PLCB1: variants seen among roughly 807,000 people sequenced by gnomAD.
PLCB1 encodes phospholipase C beta 1, also known as 1-phosphatidylinositol 4,5-bisphosphate phosphodiesterase beta-1.
Under a neutral mutation model 161.8 loss-of-function variants are expected in PLCB1, and 46 were observed. The ratio of observed to expected loss-of-function variants is 0.28; its 90% CI spans 0.22 to 0.36. The LOEUF is 0.36. Ranked by LOEUF, PLCB1 falls within the 10% of genes least tolerant of loss-of-function variation. The pLI is 1.00. For missense variants in PLCB1, 1,016 were observed against 1,472.5 expected (o/e 0.69, Z 5.07); for synonymous variants, 517 against 503.7 (o/e 1.03, Z -0.35).
intron 10 of PLCB1, among the ~76,000 whole-genome samples, chr20:8,686,491 C>A (rs1990361120): frequency 6.6e-6 from 1 of 152,110 alleles, no homozygotes; most frequent in African/African-American, 2.4e-5. Flanking sequence ...TATTTATATT[C>A]ATTACATTCT....
At chr20:8,739,482 A>C (rs1980758904) in intron 21 of PLCB1, 122 bp downstream of exon 21, 1 of 664,698 alleles carries the variant, frequency 1.5e-6, no homozygotes, top group Non-Finnish European at 2.7e-6. Context: ...TTATGTAACA[A>C]GGGCGATGAG....
intron 2 of PLCB1, among the ~76,000 whole-genome samples, chr20:8,333,570 G>T (rs1465961467): frequency 6.6e-6 from 1 of 152,146 alleles, no homozygotes; most frequent in Non-Finnish European, 1.5e-5. Context: ...CTTATGAGAG[G>T]TTGCTACTAA....
chr20:8,194,121 TCA>T (rs1186725535), intron 2 of PLCB1, among the ~76,000 whole-genome samples: 1 of 152,072 alleles, frequency 6.6e-6, no homozygotes, highest in Non-Finnish European at 1.5e-5. Context: ...CCTGTGTACA[TCA>T]CACTTATTTT....
chr20:8,412,064 G>A (rs1036449844), intron 3 of PLCB1, among the ~76,000 whole-genome samples: 1 of 152,034 alleles, frequency 6.6e-6, no homozygotes, highest in Admixed American at 6.6e-5. Context: ...CCTCAGTAAA[G>A]AAATTGACGC....
At chr20:8,179,846 C>CTTTTTTTTT (rs35174594) in intron 2 of PLCB1, among the ~76,000 whole-genome samples, 7 of 71,416 alleles carry the variant, frequency 9.8e-5, no homozygotes, top group African/African-American at 2.7e-4. Context: ...TTGTTGAGGG[C>CTTTTTTTTT]TTTTTTTTTT....
intron 9 of PLCB1, among the ~76,000 whole-genome samples, chr20:8,675,180 C>T (rs1034113803): frequency 4.6e-5 from 7 of 152,108 alleles, no homozygotes; most frequent in African/African-American, 1.7e-4. Context: ...GTCAGCTTGA[C>T]TCAATGTTCA....
intron 3 of PLCB1, among the ~76,000 whole-genome samples, chr20:8,535,930 G>A (rs1985031625): frequency 6.6e-6 from 1 of 151,824 alleles, no homozygotes. Context: ...TGTTTCATAT[G>A]GTTATAGGCT....
chr20:8,445,053 A>G (rs1242226830), intron 3 of PLCB1, among the ~76,000 whole-genome samples: 1 of 152,176 alleles, frequency 6.6e-6, no homozygotes, highest in Non-Finnish European at 1.5e-5. Flanking sequence ...TAGTTTAATT[A>G]GATCCCATTT....
intron 2 of PLCB1, among the ~76,000 whole-genome samples, chr20:8,293,413 A>G (rs1983472048): frequency 6.6e-6 from 1 of 152,174 alleles, no homozygotes; most frequent in African/African-American, 2.4e-5. Flanking sequence ...TTTTATGTAT[A>G]GTTCTCATTT....
intron 31 of PLCB1, chr20:8,801,992 C>T: frequency 1.0e-6 from 1 of 956,800 alleles, no homozygotes; most frequent in Non-Finnish European, 1.7e-6. Flanking sequence ...ATTGGAAACA[C>T]CAGATGACTT....
chr20:8,568,783 G>C (rs2123043916), intron 3 of PLCB1, among the ~76,000 whole-genome samples: 1 of 152,144 alleles, frequency 6.6e-6, no homozygotes, highest in South Asian at 2.1e-4. Flanking sequence ...GGATTCTCTA[G>C]AACCAAAGAC....
intron 27 of PLCB1, among the ~76,000 whole-genome samples, chr20:8,782,443 A>T (rs547264160): frequency 1.3e-5 from 2 of 152,226 alleles, no homozygotes; most frequent in East Asian, 3.9e-4. Context: ...CCCAGGCTGG[A>T]GGGCAGTGGT....
intron 26 of PLCB1, among the ~76,000 whole-genome samples, chr20:8,767,923 C>A (rs1014227653): frequency 6.6e-6 from 1 of 152,158 alleles, no homozygotes; most frequent in Non-Finnish European, 1.5e-5. Flanking sequence ...ATGGCTCACT[C>A]CTGTAATCCC....
chr20:8,720,324 TGTTA>T (rs1368662703), intron 14 of PLCB1, among the ~76,000 whole-genome samples: 1 of 152,214 alleles, frequency 6.6e-6, no homozygotes, highest in Non-Finnish European at 1.5e-5. Context: ...GGCAACAATC[TGTTA>T]GTTATTCAGT....
intron 3 of PLCB1, among the ~76,000 whole-genome samples, chr20:8,529,876 T>C (rs1007392168): frequency 6.6e-6 from 1 of 152,136 alleles, no homozygotes; most frequent in Non-Finnish European, 1.5e-5. Flanking sequence ...TCTTGGAGTA[T>C]AACAAGGACT....
chr20:8,185,077 T>A (rs1406139443), intron 2 of PLCB1, among the ~76,000 whole-genome samples: 1 of 152,032 alleles, frequency 6.6e-6, no homozygotes, highest in Non-Finnish European at 1.5e-5. Flanking sequence ...TTGCTGAGAA[T>A]GATGGTTCCC....
chr20:8,600,778 C>A (rs951254298), intron 3 of PLCB1: 1 of 151,958 alleles, frequency 6.6e-6, no homozygotes. Flanking sequence ...ACCCTCCGAG[C>A]CAGGTAAGGG....
At chr20:8,231,136 GA>G (rs1980011873) in intron 2 of PLCB1, among the ~76,000 whole-genome samples, 1 of 152,140 alleles carries the variant, frequency 6.6e-6, no homozygotes, top group South Asian at 2.1e-4. Context: ...CCACAATTTA[GA>G]TTGTCCCCTT....
chr20:8,340,780 G>A (rs376176217), intron 2 of PLCB1, among the ~76,000 whole-genome samples: 13 of 152,234 alleles, frequency 8.5e-5, no homozygotes, highest in African/African-American at 3.1e-4. Flanking sequence ...TGTTACCACC[G>A]GCCGAATACC....
Sources: gnomAD v4.1 joint callset for allele counts (sites outside exome capture counted in the v4.1 genomes callset) on GRCh38, gnomAD v4.1.1 for gene constraint, MANE v1.5 for transcripts, NCBI Gene and HGNC (gene_info 2026-07-23, HGNC 2026-07-21) for gene names.